Variants in SREK1 observed in about 807,000 individuals in gnomAD.
SREK1 encodes the protein splicing regulatory glutamine/lysine-rich protein 1.
Under a neutral mutation model 66.5 loss-of-function variants are expected in SREK1, and 13 were observed. The observed-to-expected ratio is 0.20, with a 90% confidence interval of 0.13 to 0.31. The LOEUF (loss-of-function observed/expected upper bound fraction) is 0.31, where lower values mean the gene tolerates loss of function less well. Ranked by LOEUF, SREK1 falls within the 10% of genes least tolerant of loss-of-function variation. SREK1 has a pLI of 1.00. For missense variants in SREK1, 607 were observed against 769.6 expected, an observed-to-expected ratio of 0.79 and a Z score of 2.50; for synonymous variants, 265 against 263.5, an observed-to-expected ratio of 1.01 and a Z score of -0.05.
rs1745985912 is a variant in SREK1 at position 66,175,487 on chromosome 5, G to A, written c.1580+446G>A. ...TGGCCATACCTTAGTTTTTTAACTA[G>A]GCTACAGTAGAAGGGGTTTTTTGAA... On this transcript the variant is annotated intron_variant, in intron 10 of 11. Transcript: ENST00000334121. Among the ~76,000 whole-genome samples, 4 of 152,134 alleles carry A rather than the reference G, an allele frequency of 2.6e-5. No homozygotes were observed. The South Asian group carries it at 8.3e-4, about 32-fold the overall frequency.
intron 3 of SREK1, among the ~76,000 whole-genome samples, chr5:66,159,703 A>G (rs1048031946): frequency 2.6e-5 from 4 of 152,280 alleles, no homozygotes; most frequent in African/African-American, 9.6e-5. Context: ...TGGTAATGGG[A>G]AAAAAACAGG....
At chr5:66,153,332 C>T (rs962411461) in intron 1 of SREK1, 131 bp from the exon 2 acceptor site, 6 of 1,159,048 alleles carry the variant, frequency 5.2e-6, no homozygotes, top group Admixed American at 5.3e-5. Flanking sequence ...TGTTAATGAT[C>T]CTTAATAACA....
intron 3 of SREK1, among the ~76,000 whole-genome samples, chr5:66,159,791 T>A (rs373873207): frequency 3.5e-4 from 54 of 152,312 alleles, no homozygotes; most frequent in African/African-American, 1.3e-3. Context: ...CAGAATTAAA[T>A]CATAATTTAG....
At chr5:66,174,739 T>C in intron 9 of SREK1, 1 of 418,366 alleles carries the variant, frequency 2.4e-6, no homozygotes. Context: ...TAGATGATGT[T>C]TTCATCAGTC....
At chr5:66,148,552 GAATGAGGTC>G (rs1406114545) in intron 1 of SREK1, among the ~76,000 whole-genome samples, 1 of 152,068 alleles carries the variant, frequency 6.6e-6, no homozygotes, top group African/African-American at 2.4e-5. Flanking sequence ...TTAAGTCAAC[GAATGAGGTC>G]AAACTAAAAT....
At chr5:66,159,462 A>G in intron 3 of SREK1, 128 bp downstream of exon 3, 2 of 750,864 alleles carry the variant, frequency 2.7e-6, no homozygotes, top group Non-Finnish European at 3.8e-6. Context: ...AGGATTCGAA[A>G]TCACTGCTTA....
rs1746666445 is a variant in SREK1 at position 66,183,523 on chromosome 5, A to G, written c.*4655A>G. On this transcript the variant is annotated 3_prime_UTR_variant, in exon 12 of 12. Transcript: ENST00000334121. ...GCATAGGTGGTGGTTATTTGTGAGT[A>G]GGACTACTTTTAAATGGTACTAGTA... The G allele has an allele frequency of 6.6e-6, 1 of 152,204 alleles. No homozygotes were observed. The highest frequency in any genetic ancestry group is 2.4e-5 in the African/African-American group (1 of 41,450). 9.4% of individuals were successfully genotyped at this position (152,204 alleles called of 1,614,324 possible). A position where few individuals can be genotyped will look rare whatever the true frequency, so the allele number is the denominator to read the frequency against.
chr5:66,168,648 A>G (rs982213945), intron 7 of SREK1: 1 of 152,166 alleles, frequency 6.6e-6, no homozygotes, highest in Non-Finnish European at 1.5e-5. Context: ...GAGTGCTGGG[A>G]TTACAGGTGT....
intron 9 of SREK1, 182 bp from the exon 10 acceptor site, chr5:66,174,764 T>C (rs562196862): frequency 2.2e-6 from 1 of 464,904 alleles, no homozygotes; most frequent in Admixed American, 3.8e-5. Context: ...AAATTTATGG[T>C]TCATAATTTG....
intron 1 of SREK1, among the ~76,000 whole-genome samples, chr5:66,147,940 T>G (rs1302239589): frequency 6.6e-6 from 1 of 152,106 alleles, no homozygotes; most frequent in Non-Finnish European, 1.5e-5. Context: ...CATATTGCTG[T>G]CTTATTTATA....
At chr5:66,174,817 A>G (rs571077281) in intron 9 of SREK1, 129 bp from the exon 10 acceptor site, 4 of 733,286 alleles carry the variant, frequency 5.5e-6, no homozygotes, top group East Asian at 5.6e-5. Context: ...CATAAAGGAC[A>G]TAAGTTTAAA....
At chr5:66,156,840 GA>G (rs763804536) in intron 2 of SREK1, 8 of 985,166 alleles carry the variant, frequency 8.1e-6, no homozygotes, top group Non-Finnish European at 9.6e-6. Flanking sequence ...TTGTTAGCTT[GA>G]ATTTTTTGTT....
chr5:66,171,231 C>CT (rs778393703), intron 9 of SREK1, among the ~76,000 whole-genome samples: 4 of 151,950 alleles, frequency 2.6e-5, no homozygotes, highest in Non-Finnish European at 5.9e-5. Flanking sequence ...GGGAAAGGTA[C>CT]TTTTTTTAAA....
At position 66,179,954 on chromosome 5, in the gene SREK1, A is replaced by G. The variant is rs1431374017; in HGVS notation, c.*1086A>G. The G allele has an allele frequency of 6.6e-6, 1 of 152,588 alleles. No homozygotes were observed. The highest frequency in any genetic ancestry group is 1.5e-5 in the Non-Finnish European group (1 of 67,994). 9.5% of individuals were successfully genotyped at this position (152,588 alleles called of 1,614,324 possible). A position where few individuals can be genotyped will look rare whatever the true frequency, so the allele number is the denominator to read the frequency against. ...TTCAAGAATGACATTAGAGTCATGC[A>G]GCTTTGGGACCATCAGTTTTATACT... is the stretch of plus-strand genomic sequence containing the variant. On this transcript the variant is annotated 3_prime_UTR_variant, in exon 12 of 12. Transcript: ENST00000334121.
At chr5:66,153,327 A>G (rs1744008057) in intron 1 of SREK1, 136 bp from the exon 2 acceptor site, 1 of 1,107,866 alleles carries the variant, frequency 9.0e-7, no homozygotes, top group Non-Finnish European at 1.3e-6. Context: ...TTATGTGTTA[A>G]TGATCCTTAA....
intron 2 of SREK1, chr5:66,156,565 C>T (rs1410789925): frequency 1.0e-6 from 1 of 985,520 alleles, no homozygotes; most frequent in African/African-American, 1.7e-5. Flanking sequence ...GATCTCAGCG[C>T]AACATTTTTC....
chr5:66,144,517 G>C lies in SREK1; in HGVS notation c.141G>C (p.Glu47Asp). 1 of 1,553,386 alleles carries C rather than the reference G, an allele frequency of 6.4e-7. No homozygotes were observed. The highest frequency in any genetic ancestry group is 8.7e-7 in the Non-Finnish European group (1 of 1,147,936). The change falls in exon 1 of 12, where the codon GAG (glutamate) becomes GAC (aspartate). Residue 47 changes from glutamate (E) to aspartate (D), a missense_variant. By Grantham distance (45) the Glu-to-Asp change is conservative. Around this residue, in one of 5 missense-constraint regions of SREK1, gnomAD observed 75 missense variants for 72.9 expected, o/e 1.03. Transcript: ENST00000334121. ...TLFSFLGEIE[E>D]LRLYPPDNAP... ...TTTCCTTCCTAGGAGAAATCGAGGA[G>C]CTGCGGCTCTACCCCCCGGAGTAAG...
Position 66,180,233 on chromosome 5 carries a change from G to C in SREK1, c.*1365G>C, listed in dbSNP as rs1230303592. Reference sequence around the variant, plus strand: ...ACAGAAAGTATGCAAATAGTAAAGTGACAGCACTGCTAATGTTTTTCCCCA... The same window carrying C: ...ACAGAAAGTATGCAAATAGTAAAGTCACAGCACTGCTAATGTTTTTCCCCA... On this transcript the variant is annotated 3_prime_UTR_variant, in exon 12 of 12. Transcript: ENST00000334121. The C allele has an allele frequency of 6.6e-6, 1 of 152,526 alleles. No individual in the cohort carries two copies. Among genetic ancestry groups the C allele is most frequent in the Non-Finnish European group, 1.5e-5 (1 of 67,996 alleles). The allele number at this position is 152,526 out of a possible 1,614,324, so 9.4% of individuals were successfully genotyped here. A position where few individuals can be genotyped will look rare whatever the true frequency, so the allele number is the denominator to read the frequency against.
chr5:66,177,298 A>G (rs1188480637), intron 10 of SREK1: 2 of 394,128 alleles, frequency 5.1e-6, no homozygotes, highest in Non-Finnish European at 9.0e-6. Context: ...GCCTCTGCCA[A>G]AATGACTTGT....
Sources: allele counts gnomAD v4.1 joint callset (sites outside exome capture counted in the v4.1 genomes callset), GRCh38; gene constraint gnomAD v4.1.1; regional missense constraint gnomAD v4.1.1; transcripts MANE v1.5; gene names NCBI Gene and HGNC (gene_info 2026-07-23, HGNC 2026-07-21).